The following CEP85L variants were observed in gnomAD, a reference collection of about 807,000 sequenced individuals.
CEP85L encodes centrosomal protein of 85 kDa-like.
Under a neutral mutation model 100.3 loss-of-function variants are expected in CEP85L, and 60 were observed. The observed-to-expected ratio is 0.60, with a 90% confidence interval of 0.49 to 0.74. CEP85L has a LOEUF of 0.74. Among genes scored for constraint, CEP85L ranks in the 30% least tolerant of loss-of-function variants. CEP85L has a pLI of 0.00. For missense variants in CEP85L, 973 were observed against 936.2 expected, an observed-to-expected ratio of 1.04 and a Z score of -0.51; for synonymous variants, 319 against 322.7, an observed-to-expected ratio of 0.99 and a Z score of 0.12.
intron 6 of CEP85L, among the ~76,000 whole-genome samples, chr6:118,487,754 G>A (rs1774284744): frequency 6.6e-6 from 1 of 152,194 alleles, no homozygotes; most frequent in African/African-American, 2.4e-5. Context: ...TGGGACCAGT[G>A]AGATCAGACC....
chr6:118,497,018 A>C (rs1439783258), intron 5 of CEP85L, among the ~76,000 whole-genome samples: 1 of 152,194 alleles, frequency 6.6e-6, no homozygotes, highest in Non-Finnish European at 1.5e-5. Context: ...TACATGGATC[A>C]CCTATCTCAG....
intron 5 of CEP85L, among the ~76,000 whole-genome samples, chr6:118,499,643 G>T (rs1210612907): frequency 1.3e-5 from 2 of 151,770 alleles, no homozygotes; most frequent in Admixed American, 6.6e-5. Context: ...CAGCCTGGGG[G>T]ACAGAGTGAG....
intron 2 of CEP85L, among the ~76,000 whole-genome samples, chr6:118,582,243 T>G (rs1035581617): frequency 1.3e-5 from 2 of 152,026 alleles, no homozygotes; most frequent in Non-Finnish European, 2.9e-5. Context: ...GCCATGAGGG[T>G]TCAAGTTTCC....
rs1772284301 is a variant in CEP85L, at chr6:118,462,494, T to TA, written c.*2910dup. 1.3e-5 allele frequency: 2 copies of TA among 152,014 alleles called. No individual in the cohort carries two copies. Among genetic ancestry groups the TA allele is most frequent in the Admixed American group, 6.6e-5 (1 of 15,238 alleles). The allele number at this position is 152,014 out of a possible 1,614,324, so 9.4% of individuals were successfully genotyped here. ...TTGCTGTAATGTGATTGAGGCTGAA[T>TA]AAGCTCAACTTTAAAACCCAAAAGA... On this transcript the variant is annotated 3_prime_UTR_variant, in exon 13 of 13. Transcript: ENST00000368491.
intron 2 of CEP85L, among the ~76,000 whole-genome samples, chr6:118,578,071 G>A (rs189129486): frequency 6.6e-6 from 1 of 152,310 alleles, no homozygotes; most frequent in Non-Finnish European, 1.5e-5. Context: ...AAAATCAAGA[G>A]AGGGAAACTG....
chr6:118,659,126 A>G lies in CEP85L; in HGVS notation c.-27-6318T>C, dbSNP rs560602699. 3.1e-4 allele frequency among the ~76,000 whole-genome samples: 47 copies of G among 152,288 alleles called. No individual in the cohort carries two copies. The South Asian group carries it at 6.6e-3, about 21-fold the overall frequency. On this transcript the variant is annotated intron_variant, in intron 1 of 13. Coordinates refer to the CEP85L transcript ENST00000368488. Reference sequence around the variant, plus strand: ...ATTGACACTAGTTTTTTAATGTTCTATGCACCTTGAATCACCAGTTACTAC... The same window carrying G: ...ATTGACACTAGTTTTTTAATGTTCTGTGCACCTTGAATCACCAGTTACTAC...
In CEP85L at chr6:118,651,558, A is replaced by C. The variant is rs1775563934; in HGVS notation, c.-289T>G. On this transcript the variant is annotated 5_prime_UTR_variant, in exon 1 of 13. Coordinates refer to ENST00000368491, the MANE Select transcript of CEP85L (RefSeq NM_001042475.3). ...GATCCCCGGCTGAGCCCAGGCTCAAAGGCTCCAGGCGAAGTTGCAGCTGCG... is the reference window on the plus strand; with the variant it reads ...GATCCCCGGCTGAGCCCAGGCTCAACGGCTCCAGGCGAAGTTGCAGCTGCG... 3.4e-6 allele frequency: 4 copies of C among 1,192,822 alleles called. No individual in the cohort carries two copies. The African/African-American group carries it at 4.8e-5, about 14-fold the overall frequency. 73.9% of individuals were successfully genotyped at this position (1,192,822 alleles called of 1,614,324 possible). A position where few individuals can be genotyped will look rare whatever the true frequency, so the allele number is the denominator to read the frequency against.
chr6:118,502,545 C>T (rs1289578125), intron 5 of CEP85L: 3 of 481,266 alleles, frequency 6.2e-6, no homozygotes, highest in African/African-American at 2.0e-5. Flanking sequence ...TCAAGATAGG[C>T]TCATGGCACT....
intron 1 of CEP85L, among the ~76,000 whole-genome samples, chr6:118,635,444 C>T (rs1774434039): frequency 1.3e-5 from 2 of 152,198 alleles, no homozygotes; most frequent in South Asian, 2.1e-4. Context: ...AATGCTAACA[C>T]TGACTATGTT....
At chr6:118,624,241 T>A (rs1773640831) in intron 2 of CEP85L, among the ~76,000 whole-genome samples, 1 of 152,204 alleles carries the variant, frequency 6.6e-6, no homozygotes, top group African/African-American at 2.4e-5. Flanking sequence ...CTCTCCTTGC[T>A]CTCTTTAATG....
At chr6:118,653,743 CTGTGTA>C (rs1214156927), upstream of CEP85L, among the ~76,000 whole-genome samples, 1 of 130,644 alleles carries the variant, frequency 7.7e-6, no homozygotes, top group African/African-American at 2.9e-5. Context: ...AATAGTGACT[CTGTGTA>C]TGTGTGTGTG....
At chr6:118,502,781 C>G in intron 5 of CEP85L, 1 of 605,958 alleles carries the variant, frequency 1.7e-6, no homozygotes, top group Non-Finnish European at 3.1e-6. Context: ...ACTTGTACAA[C>G]AAGTAACTCC....
chr6:118,631,260 G>A (rs962644789), intron 2 of CEP85L, among the ~76,000 whole-genome samples: 2 of 152,142 alleles, frequency 1.3e-5, no homozygotes, highest in African/African-American at 4.8e-5. Flanking sequence ...TTTTTAAAAT[G>A]AGACATCACT....
intron 5 of CEP85L, among the ~76,000 whole-genome samples, chr6:118,492,368 C>CG (rs950485363): frequency 6.6e-6 from 1 of 152,022 alleles, no homozygotes; most frequent in African/African-American, 2.4e-5. Flanking sequence ...ATCCATGAAT[C>CG]GGGGATTCTT....
chr6:118,575,323 A>G (rs1393993043), intron 2 of CEP85L, among the ~76,000 whole-genome samples: 1 of 152,178 alleles, frequency 6.6e-6, no homozygotes, highest in African/African-American at 2.4e-5. Context: ...TGCTTTATTT[A>G]AACCAAAGAA....
At chr6:118,555,675 T>TG (rs1438356854) in intron 3 of CEP85L, among the ~76,000 whole-genome samples, 1 of 152,168 alleles carries the variant, frequency 6.6e-6, no homozygotes, top group Non-Finnish European at 1.5e-5. Context: ...GTTTTAAGTT[T>TG]GGGGGTATGT....
In CEP85L at chr6:118,464,471, A is replaced by C. The variant is rs1562163102; in HGVS notation, c.*934T>G. On this transcript the variant is annotated 3_prime_UTR_variant, in exon 13 of 13. Coordinates refer to ENST00000368491, the MANE Select transcript of CEP85L (RefSeq NM_001042475.3). ...ACTTTGAAACATACAAAACTGTTAAAATGTAAATGTTGAGATTTGGATAAG... is the reference window on the plus strand; with the variant it reads ...ACTTTGAAACATACAAAACTGTTAACATGTAAATGTTGAGATTTGGATAAG... The C allele has an allele frequency of 1.3e-5, 2 of 152,134 alleles. No individual in the cohort carries two copies. Among genetic ancestry groups the C allele is most frequent in the East Asian group, 3.8e-4 (2 of 5,200 alleles). The allele number at this position is 152,134 out of a possible 1,614,324, so 9.4% of individuals were successfully genotyped here. A position where few individuals can be genotyped will look rare whatever the true frequency, so the allele number is the denominator to read the frequency against.
chr6:118,467,738 CTT>C (rs2114401385), intron 12 of CEP85L, among the ~76,000 whole-genome samples: 1 of 152,254 alleles, frequency 6.6e-6, no homozygotes, highest in South Asian at 2.1e-4. Context: ...AGTGAGTTCC[CTT>C]TGTGTGTGAG....
At chr6:118,697,919 G>A (rs1264704328) in intron 1 of CEP85L, among the ~76,000 whole-genome samples, 4 of 152,188 alleles carry the variant, frequency 2.6e-5, no homozygotes, top group African/African-American at 9.6e-5. Flanking sequence ...GCTACTCACT[G>A]AAGAAGTTAT....
Sources: allele counts gnomAD v4.1 joint callset (sites outside exome capture counted in the v4.1 genomes callset), GRCh38; gene constraint gnomAD v4.1.1; transcripts MANE v1.5; gene names NCBI Gene and HGNC (gene_info 2026-07-23, HGNC 2026-07-21).